NFIB: variants seen among roughly 807,000 people sequenced by gnomAD.
NFIB encodes nuclear factor I B.
NFIB carries 11 observed loss-of-function variants against 61.5 expected under a neutral mutation model. That is an observed-to-expected ratio of 0.18 (90% CI 0.11 to 0.30). NFIB has a LOEUF of 0.30. Among genes scored for constraint, NFIB ranks in the 10% least tolerant of loss-of-function variants. NFIB has a pLI of 1.00. For synonymous variants in NFIB, 260 were observed against 216.5 expected (o/e 1.20, Z -1.76); for missense variants, 471 against 608.9 (o/e 0.77, Z 2.38).
chr9:14,335,426 C>G (rs181491380), intron 1 of NFIB, among the ~76,000 whole-genome samples: 31 of 152,264 alleles, frequency 2.0e-4, no homozygotes, highest in Admixed American at 2.0e-3. Context: ...TAGTATTTGT[C>G]TCCTTAATAA....
At chr9:14,200,068 C>T (rs530418167) in intron 2 of NFIB, among the ~76,000 whole-genome samples, 2 of 152,194 alleles carry the variant, frequency 1.3e-5, no homozygotes, top group African/African-American at 2.4e-5. Context: ...ATAATTTTGC[C>T]CCTAGGTCTG....
At chr9:14,510,462 T>C in the NFIB span, among the ~76,000 whole-genome samples, 1 of 152,180 alleles carries the variant, frequency 6.6e-6, no homozygotes, top group Non-Finnish European at 1.5e-5. Context: ...AAAGTTTTGT[T>C]TTAAACCAAA....
At chr9:14,339,845 G>A (rs2060929737) in intron 1 of NFIB, among the ~76,000 whole-genome samples, 1 of 152,204 alleles carries the variant, frequency 6.6e-6, no homozygotes, top group South Asian at 2.1e-4. Flanking sequence ...TTGGGGTTTT[G>A]GAAAGGGATT....
At chr9:14,481,536 G>T in the NFIB span, among the ~76,000 whole-genome samples, 1 of 151,850 alleles carries the variant, frequency 6.6e-6, no homozygotes, top group Non-Finnish European at 1.5e-5. Context: ...AAGAAAATAA[G>T]CTTTCGGCCT....
the NFIB span, among the ~76,000 whole-genome samples, chr9:14,435,830 CAG>C: frequency 1.3e-5 from 2 of 152,184 alleles, no homozygotes; most frequent in Admixed American, 6.5e-5. Context: ...GCCTCAGAAC[CAG>C]GCTTCTTCTG....
chr9:14,374,248 C>T (rs1247664556), intron 1 of NFIB, among the ~76,000 whole-genome samples: 1 of 152,052 alleles, frequency 6.6e-6, no homozygotes, highest in East Asian at 1.9e-4. Context: ...TTTATTCAGG[C>T]TTTTGCCTCC....
the NFIB span, among the ~76,000 whole-genome samples, chr9:14,437,871 G>T: frequency 7.9e-5 from 12 of 152,246 alleles, no homozygotes; most frequent in African/African-American, 2.4e-4. Flanking sequence ...GGCAATCCGT[G>T]AGGCTGAGGC....
At chr9:14,381,296 A>G (rs1317317619) in intron 1 of NFIB, among the ~76,000 whole-genome samples, 2 of 151,802 alleles carry the variant, frequency 1.3e-5, no homozygotes, top group Non-Finnish European at 2.9e-5. Context: ...GGCTCAAGCA[A>G]TCCTCCCACC....
chr9:14,366,870 C>G (rs1187167829), intron 1 of NFIB, among the ~76,000 whole-genome samples: 2 of 152,164 alleles, frequency 1.3e-5, no homozygotes, highest in Non-Finnish European at 2.9e-5. Context: ...AAATTCCAAT[C>G]TCTTGCACTG....
chr9:14,136,326 C>T (rs940326145), intron 6 of NFIB, among the ~76,000 whole-genome samples: 1 of 152,060 alleles, frequency 6.6e-6, no homozygotes, highest in African/African-American at 2.4e-5. Context: ...AGCATATTTT[C>T]GTCACTTATT....
intron 2 of NFIB, among the ~76,000 whole-genome samples, chr9:14,236,384 T>C (rs927271497): frequency 6.6e-6 from 1 of 152,194 alleles, no homozygotes; most frequent in Admixed American, 6.5e-5. Flanking sequence ...GAAATTAAAA[T>C]TGATTATTTG....
At chr9:14,327,270 ATGT>A (rs914479330) in intron 1 of NFIB, among the ~76,000 whole-genome samples, 2 of 152,226 alleles carry the variant, frequency 1.3e-5, no homozygotes, top group African/African-American at 4.8e-5. Flanking sequence ...AAGAAAGTCA[ATGT>A]TAATTCCCCT....
intron 10 of NFIB, chr9:14,102,478 G>A (rs1308943317): frequency 1.9e-6 from 3 of 1,550,150 alleles, no homozygotes; most frequent in African/African-American, 1.4e-5. Context: ...AATGCCTGCC[G>A]TTTTGATTCA....
intron 1 of NFIB, among the ~76,000 whole-genome samples, chr9:14,358,379 T>A (rs1230954795): frequency 6.6e-6 from 1 of 152,136 alleles, no homozygotes; most frequent in African/African-American, 2.4e-5. Context: ...TGTCCAGGCT[T>A]AAAAAGCCAG....
chr9:14,112,190 G>C (rs1224053594), intron 10 of NFIB, among the ~76,000 whole-genome samples: 4 of 152,124 alleles, frequency 2.6e-5, no homozygotes, highest in Admixed American at 6.6e-5. Flanking sequence ...CAAAACTTGA[G>C]AGCAGCAAAC....
chr9:14,178,448 T>G (rs2131422630), intron 3 of NFIB, among the ~76,000 whole-genome samples: 1 of 152,212 alleles, frequency 6.6e-6, no homozygotes, highest in Middle Eastern at 3.4e-3. Flanking sequence ...TTGCTCTCAA[T>G]GTACAGTAAT....
At chr9:14,257,696 T>A (rs1160884907) in intron 2 of NFIB, among the ~76,000 whole-genome samples, 1 of 152,036 alleles carries the variant, frequency 6.6e-6, no homozygotes, top group Admixed American at 6.6e-5. Context: ...ACAGAGGTTG[T>A]GGTGTGCCAA....
chr9:14,458,359 A>T, the NFIB span, among the ~76,000 whole-genome samples: 7 of 152,224 alleles, frequency 4.6e-5, 1 homozygote, highest in Admixed American at 2.0e-4. Flanking sequence ...TATTGATGGG[A>T]TGTATCTCAA....
intron 2 of NFIB, among the ~76,000 whole-genome samples, chr9:14,297,157 T>A (rs1563987011): frequency 6.6e-6 from 1 of 152,174 alleles, no homozygotes; most frequent in Non-Finnish European, 1.5e-5. Flanking sequence ...TGGAGAAAAC[T>A]AAAGAGATTT....
Sources: allele counts gnomAD v4.1 joint callset (sites outside exome capture counted in the v4.1 genomes callset), GRCh38; gene constraint gnomAD v4.1.1; transcripts MANE v1.5; gene names NCBI Gene and HGNC (gene_info 2026-07-23, HGNC 2026-07-21).